The following CNTN6 variants were observed in gnomAD, a reference collection of about 807,000 sequenced individuals.
CNTN6 encodes the protein contactin-6.
Under a neutral mutation model 122.8 loss-of-function variants are expected in CNTN6, and 137 were observed. The ratio of observed to expected loss-of-function variants is 1.12; its 90% confidence interval spans 0.97 to 1.29. The LOEUF (loss-of-function observed/expected upper bound fraction) is 1.29, where lower values mean the gene tolerates loss of function less well. Ranked by LOEUF, CNTN6 falls within the 50% of genes most tolerant of loss-of-function variation. The pLI is 0.00. For synonymous variants in CNTN6, 570 were observed against 426.0 expected, an observed-to-expected ratio of 1.34 and a Z score of -4.16; for missense variants, 1,634 against 1,223.4, an observed-to-expected ratio of 1.34 and a Z score of -5.01.
chr3:1,383,316 A>G lies in CNTN6; in HGVS notation c.2425A>G (p.Thr809Ala). ...EDEPQLAPRG[T>A]SLQSFSASEM... ...AGAACCTCAACTGGCCCCAAGGGGA[A>G]CTTCTCTCCAGAGTTTTTCTGCTTC... is the stretch of plus-strand genomic sequence containing the variant. The change falls in exon 19 of 23, where the codon ACT becomes GCT. Residue 809 changes from threonine to alanine, a missense_variant. Coordinates refer to ENST00000446702, the MANE Select transcript of CNTN6 (RefSeq NM_001289080.2). 6.2e-7 allele frequency: 1 copy of G among 1,613,986 alleles called. No individual in the cohort carries two copies. The highest frequency in any genetic ancestry group is 8.5e-7 in the Non-Finnish European group (1 of 1,179,850).
intron 1 of CNTN6, among the ~76,000 whole-genome samples, chr3:1,110,244 TAGTC>T (rs1344232717): frequency 9.2e-5 from 14 of 152,158 alleles, no homozygotes; most frequent in African/African-American, 3.1e-4. Flanking sequence ...GAAATGTAAA[TAGTC>T]AATCTTATTA....
intron 11 of CNTN6, among the ~76,000 whole-genome samples, chr3:1,351,951 A>T (rs1021543684): frequency 6.6e-6 from 1 of 151,938 alleles, no homozygotes; most frequent in South Asian, 2.1e-4. Context: ...CTCCTAAGCC[A>T]AGTTCAATTT....
intron 4 of CNTN6, among the ~76,000 whole-genome samples, chr3:1,273,841 A>C (rs1691825628): frequency 6.6e-6 from 1 of 152,200 alleles, no homozygotes; most frequent in Non-Finnish European, 1.5e-5. Context: ...GTGGAAGTGA[A>C]CACAGAATAT....
intron 2 of CNTN6, among the ~76,000 whole-genome samples, chr3:1,150,950 G>C (rs916812307): frequency 4.6e-5 from 7 of 152,120 alleles, no homozygotes; most frequent in Admixed American, 3.9e-4. Flanking sequence ...GACTGAGGAA[G>C]GGATCATGAG....
chr3:1,339,932 A>T, intron 11 of CNTN6, among the ~76,000 whole-genome samples: 1 of 152,282 alleles, frequency 6.6e-6, no homozygotes, highest in East Asian at 1.9e-4. Context: ...TTTAACCATG[A>T]GTTTCATTAT....
intron 19 of CNTN6, among the ~76,000 whole-genome samples, chr3:1,384,850 C>A (rs1262768013): frequency 6.9e-6 from 1 of 144,396 alleles, no homozygotes; most frequent in African/African-American, 2.5e-5. Flanking sequence ...CCTCTGATTC[C>A]AACAGAAAGT....
chr3:1,346,519 C>G (rs1336747829), intron 11 of CNTN6, among the ~76,000 whole-genome samples: 1 of 152,228 alleles, frequency 6.6e-6, no homozygotes, highest in African/African-American at 2.4e-5. Flanking sequence ...GTCTCTCTCT[C>G]TTACTTCCCC....
intron 1 of CNTN6, among the ~76,000 whole-genome samples, chr3:1,119,357 A>G (rs552242096): frequency 0.018 from 167 of 9,338 alleles, no homozygotes; most frequent in South Asian, 0.064. Flanking sequence ...GTGTGTGGAG[A>G]ATGTCTCTTT....
chr3:1,285,919 GT>G (rs1190186453), intron 5 of CNTN6, among the ~76,000 whole-genome samples: 1 of 152,170 alleles, frequency 6.6e-6, no homozygotes. Flanking sequence ...AGTGTACAGT[GT>G]TAGAACCAGG....
chr3:1,385,897 A>C (rs1692826577), intron 20 of CNTN6, 100 bp downstream of exon 20: 1 of 1,177,092 alleles, frequency 8.5e-7, no homozygotes, highest in Non-Finnish European at 1.2e-6. Flanking sequence ...TTTCTTTACT[A>C]ATTGGTTACT....
intron 9 of CNTN6, among the ~76,000 whole-genome samples, chr3:1,326,777 G>T (rs1335840166): frequency 6.6e-6 from 1 of 151,836 alleles, no homozygotes; most frequent in African/African-American, 2.4e-5. Context: ...TTTTCTTCCT[G>T]CATGCCTTTT....
At chr3:1,325,685 A>C (rs1198029193) in intron 8 of CNTN6, 130 bp from the exon 9 acceptor site, 1 of 821,436 alleles carries the variant, frequency 1.2e-6, no homozygotes, top group South Asian at 2.6e-5. Context: ...CCCTCCCTCA[A>C]ATCGTGTGTG....
intron 4 of CNTN6, among the ~76,000 whole-genome samples, chr3:1,229,961 C>T (rs1270553869): frequency 3.3e-5 from 5 of 152,174 alleles, no homozygotes; most frequent in African/African-American, 1.2e-4. Context: ...AGGACCACAA[C>T]ATGGTGGTGG....
intron 2 of CNTN6, among the ~76,000 whole-genome samples, chr3:1,217,241 C>G (rs1218563489): frequency 6.6e-6 from 1 of 152,084 alleles, no homozygotes; most frequent in Non-Finnish European, 1.5e-5. Flanking sequence ...AAAAGATCTT[C>G]CAGCTTTGAG....
At chr3:1,341,808 CT>C (rs1170338281) in intron 11 of CNTN6, among the ~76,000 whole-genome samples, 19 of 152,238 alleles carry the variant, frequency 1.2e-4, no homozygotes, top group Admixed American at 1.2e-3. Flanking sequence ...CATTTGTTCA[CT>C]CCAGTAATTA....
intron 1 of CNTN6, among the ~76,000 whole-genome samples, chr3:1,118,329 C>G (rs1323753587): frequency 1.3e-5 from 2 of 152,116 alleles, no homozygotes; most frequent in Non-Finnish European, 2.9e-5. Flanking sequence ...AGCTTTCTAA[C>G]CTGTATATGA....
intron 1 of CNTN6, among the ~76,000 whole-genome samples, chr3:1,099,829 A>G (rs180797669): frequency 1.8e-3 from 280 of 152,290 alleles, no homozygotes; most frequent in South Asian, 2.9e-3. Context: ...TATTGGTTTG[A>G]GGAAATATTC....
chr3:1,328,896 G>C (rs1575723916), intron 10 of CNTN6, among the ~76,000 whole-genome samples: 1 of 151,502 alleles, frequency 6.6e-6, no homozygotes, highest in South Asian at 2.1e-4. Flanking sequence ...TTCTGAACTG[G>C]CATTTGTTCA....
At chr3:1,334,025 A>G (rs1224597498) in intron 11 of CNTN6, among the ~76,000 whole-genome samples, 1 of 152,134 alleles carries the variant, frequency 6.6e-6, no homozygotes. Flanking sequence ...CCTATGTGCC[A>G]TAATTGAAGT....
Sources: gnomAD v4.1 joint callset for allele counts (sites outside exome capture counted in the v4.1 genomes callset) on GRCh38, gnomAD v4.1.1 for gene constraint, MANE v1.5 for transcripts, NCBI Gene and HGNC (gene_info 2026-07-23, HGNC 2026-07-21) for gene names.